The following ARHGAP42 variants were observed in gnomAD, a reference collection of about 807,000 sequenced individuals.
ARHGAP42 encodes rho GTPase-activating protein 42.
ARHGAP42 carries 63 observed loss-of-function variants against 125.0 expected under a neutral mutation model. That is an observed-to-expected ratio of 0.50 (90% CI 0.41 to 0.62). The LOEUF is 0.62. ARHGAP42 is among the 20% of genes least tolerant of loss of function. The probability of loss-of-function intolerance (pLI) is 0.00; values close to 1 mark genes in which losing one functional copy is unlikely to be tolerated. For synonymous variants in ARHGAP42, 339 were observed against 351.0 expected (o/e 0.97, Z 0.38); for missense variants, 766 against 1,024.2 (o/e 0.75, Z 3.44).
intron 1 of ARHGAP42, among the ~76,000 whole-genome samples, chr11:100,755,816 G>T (rs1180265889): frequency 1.3e-5 from 2 of 152,158 alleles, no homozygotes; most frequent in African/African-American, 4.8e-5. Flanking sequence ...CTATTTACAA[G>T]ATAGGTTTTT....
chr11:100,842,111 G>T (rs751090072), intron 3 of ARHGAP42, among the ~76,000 whole-genome samples: 17 of 152,146 alleles, frequency 1.1e-4, no homozygotes, highest in Non-Finnish European at 2.1e-4. Flanking sequence ...CAGTTTACAA[G>T]AACTTCATTT....
At chr11:100,843,322 A>G (rs1268684766) in intron 3 of ARHGAP42, among the ~76,000 whole-genome samples, 1 of 152,008 alleles carries the variant, frequency 6.6e-6, no homozygotes, top group African/African-American at 2.4e-5. Context: ...AAATGGTAAT[A>G]AAAAAATTAC....
chr11:100,972,228 T>C (rs769690848), intron 17 of ARHGAP42, among the ~76,000 whole-genome samples: 7 of 152,192 alleles, frequency 4.6e-5, no homozygotes, highest in Non-Finnish European at 1.0e-4. Context: ...AAACATAATC[T>C]TGTGTTATAC....
rs1214171620 is a variant in ARHGAP42 at position 100,992,885 on chromosome 11, A to G, written c.*4084A>G. On this transcript the variant is annotated 3_prime_UTR_variant, in exon 24 of 24. Coordinates refer to ENST00000298815, the MANE Select transcript of ARHGAP42 (RefSeq NM_152432.4). ...AAGGTGTCTGTGGTTTAGGGGGCCCAGCCCATCATTCCTTTTCCCCTTGGC... is the reference window on the plus strand; with the variant it reads ...AAGGTGTCTGTGGTTTAGGGGGCCCGGCCCATCATTCCTTTTCCCCTTGGC... 6.0e-6 allele frequency: 3 copies of G among 498,886 alleles called. No individual in the cohort carries two copies. The highest frequency in any genetic ancestry group is 1.1e-5 in the Non-Finnish European group (3 of 280,304). The allele number at this position is 498,886 out of a possible 1,614,324, so 30.9% of individuals were successfully genotyped here.
In ARHGAP42 at chr11:100,699,642, C is replaced by T. The variant is rs1269342055; in HGVS notation, c.154+11810C>T. 2.0e-5 allele frequency among the ~76,000 whole-genome samples: 3 copies of T among 149,288 alleles called. No individual in the cohort carries two copies. In the East Asian group the frequency reaches 6.1e-4, roughly 31 times the overall value. On this transcript the variant is annotated intron_variant, in intron 1 of 23. Transcript: ENST00000298815. ...GGTTCAAGCGATTCTCCTGCCTCAGCCTCCCAAGCAGCTGGGATTACAGAG... is the reference window on the plus strand; with the variant it reads ...GGTTCAAGCGATTCTCCTGCCTCAGTCTCCCAAGCAGCTGGGATTACAGAG...
At chr11:100,853,049 C>A (rs562318799) in intron 3 of ARHGAP42, among the ~76,000 whole-genome samples, 6 of 152,184 alleles carry the variant, frequency 3.9e-5, no homozygotes, top group African/African-American at 7.2e-5. Context: ...TAAATATCTT[C>A]CCTGTGTGAC....
intron 1 of ARHGAP42, among the ~76,000 whole-genome samples, chr11:100,769,712 C>CTTTTT (rs140626690): frequency 2.7e-4 from 21 of 78,090 alleles, no homozygotes; most frequent in Admixed American, 3.8e-4. Context: ...AGCATTCCTT[C>CTTTTT]TTTTTTTTTT....
At chr11:100,831,805 A>G (rs1397832772) in intron 3 of ARHGAP42, among the ~76,000 whole-genome samples, 1 of 152,236 alleles carries the variant, frequency 6.6e-6, no homozygotes, top group East Asian at 1.9e-4. Context: ...ATTTGGGCAC[A>G]TGGCAAATAT....
chr11:100,871,013 A>G (rs1219560653), intron 4 of ARHGAP42, among the ~76,000 whole-genome samples: 1 of 151,758 alleles, frequency 6.6e-6, no homozygotes, highest in African/African-American at 2.4e-5. Context: ...CTTATAATCT[A>G]TTCTTTGGTA....
rs562995664 is a variant in ARHGAP42 at position 100,880,002 on chromosome 11, A to G, written c.384+20377A>G. On this transcript the variant is annotated intron_variant, in intron 4 of 23. Coordinates refer to ENST00000298815, the MANE Select transcript of ARHGAP42 (RefSeq NM_152432.4). ...TTATAATTTTGCTATTCATATGCCAATGTTCATCTTGCAACTGAGCTACTG... is the reference window on the plus strand; with the variant it reads ...TTATAATTTTGCTATTCATATGCCAGTGTTCATCTTGCAACTGAGCTACTG... 5.8e-4 allele frequency among the ~76,000 whole-genome samples: 89 copies of G among 152,342 alleles called. 1 individual carries two copies. The Middle Eastern group carries it at 0.01, about 17-fold the overall frequency.
intron 3 of ARHGAP42, among the ~76,000 whole-genome samples, chr11:100,855,614 A>T (rs543342473): frequency 1.3e-5 from 2 of 152,212 alleles, no homozygotes; most frequent in South Asian, 2.1e-4. Flanking sequence ...TTCAAACCAC[A>T]TAAAAGCGTT....
chr11:100,707,358 C>T (rs7943581), intron 1 of ARHGAP42, among the ~76,000 whole-genome samples: 10,811 of 152,156 alleles, frequency 0.071, 458 homozygotes, highest in Middle Eastern at 0.11. Context: ...AAATTGCATT[C>T]TTTATGATAG....
At chr11:100,893,419 A>G (rs1195198651) in intron 4 of ARHGAP42, among the ~76,000 whole-genome samples, 3 of 152,218 alleles carry the variant, frequency 2.0e-5, no homozygotes, top group South Asian at 2.1e-4. Flanking sequence ...TATTGTTAGT[A>G]ATAAAATTGA....
chr11:100,726,925 G>A (rs940648318), intron 1 of ARHGAP42, among the ~76,000 whole-genome samples: 1 of 152,198 alleles, frequency 6.6e-6, no homozygotes, highest in African/African-American at 2.4e-5. Context: ...ATTCCAACAG[G>A]GAAGTGAGGT....
At chr11:100,978,887 A>G in intron 21 of ARHGAP42, 100 bp from the exon 22 acceptor site, 2 of 1,242,418 alleles carry the variant, frequency 1.6e-6, no homozygotes, top group Admixed American at 2.1e-5. Flanking sequence ...ATGGTTCTCA[A>G]CCATTTTTTG....
chr11:100,889,644 C>A (rs1433123016), intron 4 of ARHGAP42, among the ~76,000 whole-genome samples: 1 of 152,134 alleles, frequency 6.6e-6, no homozygotes, highest in Non-Finnish European at 1.5e-5. Flanking sequence ...CTGTTGGACA[C>A]CCTGGTTTTC....
chr11:100,903,752 A>ATATATATG (rs1555021293), intron 4 of ARHGAP42, among the ~76,000 whole-genome samples: 1 of 125,636 alleles, frequency 8.0e-6, no homozygotes, highest in African/African-American at 3.0e-5. Context: ...ATATATATAT[A>ATATATATG]TATGTATGTA....
intron 23 of ARHGAP42, among the ~76,000 whole-genome samples, chr11:100,987,846 T>TAAATAAAC (rs1459288887): frequency 6.7e-6 from 1 of 149,114 alleles, no homozygotes; most frequent in African/African-American, 2.5e-5. Context: ...AATAAATAAA[T>TAAATAAAC]AGGCCAGGCG....
rs577077810 is a variant in ARHGAP42 at position 100,982,794 on chromosome 11, G to GT, written c.2456+3745_2456+3746insT. ...TCAAATTTTAAAAGACAAATATTTTGCTTAGAATTACAAAGGACAAAAAGC... is the reference window on the plus strand; with the variant it reads ...TCAAATTTTAAAAGACAAATATTTTGTCTTAGAATTACAAAGGACAAAAAGC... On this transcript the variant is annotated intron_variant, in intron 22 of 23. Coordinates refer to ENST00000298815, the MANE Select transcript of ARHGAP42 (RefSeq NM_152432.4). Among the ~76,000 whole-genome samples, 200 of 152,248 alleles carry GT rather than the reference G, an allele frequency of 1.3e-3. 2 individuals are homozygous for GT. The highest frequency in any genetic ancestry group is 4.3e-3 in the African/African-American group (178 of 41,550).
Sources: gnomAD v4.1 joint callset for allele counts (sites outside exome capture counted in the v4.1 genomes callset) on GRCh38, gnomAD v4.1.1 for gene constraint, MANE v1.5 for transcripts, NCBI Gene and HGNC (gene_info 2026-07-23, HGNC 2026-07-21) for gene names.